ZNF462: variants seen among roughly 807,000 people sequenced by gnomAD.
ZNF462 encodes zinc finger protein 462, also known as zinc finger PBX1-interacting protein.
A neutral mutation model predicts 201.9 loss-of-function variants in ZNF462; 10 were observed. The observed-to-expected ratio is 0.05, with a 90% CI of 0.03 to 0.08. The LOEUF is 0.08. Among genes scored for constraint, ZNF462 ranks in the 10% least tolerant of loss-of-function variants. The probability of loss-of-function intolerance (pLI) is 1.00; values close to 1 mark genes in which losing one functional copy is unlikely to be tolerated. For synonymous variants in ZNF462, 1,227 were observed against 1,193.3 expected (o/e 1.03, Z -0.58); for missense variants, 2,523 against 3,168.3 (o/e 0.80, Z 4.89).
upstream of ZNF462, among the ~76,000 whole-genome samples, chr9:106,862,765 T>G (rs1310994257): frequency 6.6e-6 from 1 of 152,172 alleles, no homozygotes; most frequent in East Asian, 1.9e-4. The surrounding 1 kb of genome is among the most constrained non-coding windows in gnomAD (Gnocchi z 4.2). Context: ...CTCCTCCAGC[T>G]TCTCCTTCTG....
In ZNF462 at chr9:106,963,480, G is replaced by T. The variant is rs532397939; in HGVS notation, c.6428-8525G>T. Among the ~76,000 whole-genome samples the T allele has an allele frequency of 6.6e-6, 1 of 152,166 alleles. No individual in the cohort carries two copies. The highest frequency in any genetic ancestry group is 1.9e-4 in the East Asian group (1 of 5,168). Reference sequence around the variant, plus strand: ...CAGCATGAACCCTTGCTCCTGTGGAGCTGACATTACCTGCTTGGTTGTCAT... The same window carrying T: ...CAGCATGAACCCTTGCTCCTGTGGATCTGACATTACCTGCTTGGTTGTCAT... On this transcript the variant is annotated intron_variant, in intron 7 of 12. Transcript: ENST00000277225. This position sits in a 1 kb window ranked among gnomAD's most constrained non-coding sequence, Gnocchi z 4.7.
At position 106,883,773 on chromosome 9, in the gene ZNF462, G is replaced by C. The variant is rs530217214; in HGVS notation, c.-31+20418G>C. ...TTATTTATCCTTCTACCTGGAATCA[G>C]CAGCCCTGGCTTGTTCATTTAGATG... On this transcript the variant is annotated intron_variant, in intron 1 of 12. Coordinates refer to ENST00000277225, the MANE Select transcript of ZNF462 (RefSeq NM_021224.6). The surrounding 1 kb of genome is among the most constrained non-coding windows in gnomAD (Gnocchi z 4.9). Among the ~76,000 whole-genome samples, 34 of 152,264 alleles carry C rather than the reference G, an allele frequency of 2.2e-4. No homozygotes were observed. The highest frequency in any genetic ancestry group is 1.8e-3 in the Admixed American group (27 of 15,296).
rs1828052462 is a variant in ZNF462 at position 106,880,663 on chromosome 9, G to C, written c.-31+17308G>C. ...TATATTTTTATTAATGGTTTAAGTTGGGCCTTTTATAACTGATACTCACCT... is the reference window on the plus strand; with the variant it reads ...TATATTTTTATTAATGGTTTAAGTTCGGCCTTTTATAACTGATACTCACCT... On this transcript the variant is annotated intron_variant, in intron 1 of 12. Transcript: ENST00000277225. The surrounding 1 kb of genome is among the most constrained non-coding windows in gnomAD (Gnocchi z 4.1). Among the ~76,000 whole-genome samples the C allele has an allele frequency of 6.6e-6, 1 of 152,120 alleles. No homozygotes were observed. The highest frequency in any genetic ancestry group is 1.5e-5 in the Non-Finnish European group (1 of 68,030).
At chr9:106,894,370 T>C (rs143420252) in intron 1 of ZNF462, among the ~76,000 whole-genome samples, 62 of 152,322 alleles carry the variant, frequency 4.1e-4, no homozygotes, top group African/African-American at 1.4e-3. Context: ...GTATCTCTAT[T>C]ACAGAGAGAA....
At position 106,940,154 on chromosome 9, in the gene ZNF462, G is replaced by A. The variant is rs367634442; in HGVS notation, c.6427+1047G>A. Among the ~76,000 whole-genome samples the A allele has an allele frequency of 2.9e-4, 44 of 152,270 alleles. 1 individual carries two copies. The highest frequency in any genetic ancestry group is 2.7e-3 in the East Asian group (14 of 5,184). On this transcript the variant is annotated intron_variant, in intron 7 of 12. Coordinates refer to ENST00000277225, the MANE Select transcript of ZNF462 (RefSeq NM_021224.6). The stretch of plus-strand genomic sequence containing the variant: ...TGGGCAATCTTAGCTTCTTGTAGCC[G>A]TATGTAAAATTGTATAGTGATATCT...
Position 106,928,701 on chromosome 9 carries a change from G to A in ZNF462, c.4789G>A (p.Glu1597Lys), listed in dbSNP as rs151086190. The change falls in exon 3 of 13, where the codon GAG (glutamate) becomes AAG (lysine). Residue 1597 changes from glutamate (E) to lysine (K), a missense_variant. Physicochemically the swap from Glu to Lys is moderately conservative, Grantham distance 56 (BLOSUM62 1). Around this residue, in one of 15 missense-constraint regions of ZNF462, gnomAD observed 200 missense variants for 281.3 expected, o/e 0.71. Coordinates refer to ENST00000277225, the MANE Select transcript of ZNF462 (RefSeq NM_021224.6). This position sits in a 1 kb window ranked among gnomAD's most constrained non-coding sequence, Gnocchi z 9.3. ...TTTGGAGAAACTAAAAATCCACTAC[G>A]AGAAGTATCACAATCAGCCTGAATT... is the stretch of plus-strand genomic sequence containing the variant. ...GTLEKLKIHY[E>K]KYHNQPEFDV... 6.8e-6 allele frequency: 11 copies of A among 1,614,118 alleles called. No individual in the cohort carries two copies. The highest frequency in any genetic ancestry group is 4.4e-5 in the South Asian group (4 of 91,062).
chr9:107,008,989 C>T lies in ZNF462; in HGVS notation c.7190-556C>T, dbSNP rs561636488. 1.3e-5 allele frequency among the ~76,000 whole-genome samples: 2 copies of T among 152,234 alleles called. No individual in the cohort carries two copies. The highest frequency in any genetic ancestry group is 1.3e-4 in the Admixed American group (2 of 15,286). ...GCAGATCTCATTCAGTGCACATAAC[C>T]GCCCTGTAAGGTATTGATTATAATG... On this transcript the variant is annotated intron_variant, in intron 11 of 12. Coordinates refer to ENST00000277225, the MANE Select transcript of ZNF462 (RefSeq NM_021224.6). This position sits in a 1 kb window ranked among gnomAD's most constrained non-coding sequence, Gnocchi z 4.8.
upstream of ZNF462, among the ~76,000 whole-genome samples, chr9:106,861,067 C>CCGCA (rs1157454096): frequency 6.6e-6 from 1 of 152,052 alleles, no homozygotes; most frequent in Admixed American, 6.6e-5. Flanking sequence ...TTCTTCTCCA[C>CCGCA]CGCACGCGTA....
chr9:106,896,197 C>T (rs1828804977), intron 1 of ZNF462, among the ~76,000 whole-genome samples: 1 of 152,146 alleles, frequency 6.6e-6, no homozygotes, highest in Non-Finnish European at 1.5e-5. Flanking sequence ...AGCCTTCTGT[C>T]CCCCTCATTG....
intron 7 of ZNF462, among the ~76,000 whole-genome samples, chr9:106,945,997 G>T (rs79967190): frequency 0.016 from 2,449 of 152,318 alleles, 26 homozygotes; most frequent in Non-Finnish European, 0.026. Flanking sequence ...TAGTTTTGTG[G>T]CTGCTATCAT....
At chr9:106,960,136 C>A (rs994179900) in intron 7 of ZNF462, among the ~76,000 whole-genome samples, 1 of 152,106 alleles carries the variant, frequency 6.6e-6, no homozygotes, top group South Asian at 2.1e-4. Flanking sequence ...TCTTGATCAA[C>A]CATAGCCTTT....
In ZNF462 at chr9:106,908,902, C is replaced by CGTATATACATATAT. The variant is rs1564090567; in HGVS notation, c.-30-14452_-30-14451insGTATATACATATAT. 4.1e-4 allele frequency among the ~76,000 whole-genome samples: 32 copies of CGTATATACATATAT among 77,214 alleles called. 2 individuals are homozygous for CGTATATACATATAT. The highest frequency in any genetic ancestry group is 2.0e-3 in the African/African-American group (32 of 15,714). The allele number at this position is 77,214 out of a possible 152,430, so 50.7% of individuals were successfully genotyped here. ...GCTGTGAAAGTTGAGAATATTTGCC[C>CGTATATACATATAT]ATATATACATATATATATATATATA... On this transcript the variant is annotated intron_variant, in intron 1 of 12. Transcript: ENST00000277225.
rs1220046158 is a variant in ZNF462 at position 106,925,847 on chromosome 9, A to G, written c.1935A>G (p.Thr645=). The G allele has an allele frequency of 6.2e-7, 1 of 1,614,200 alleles. No homozygotes were observed. Among genetic ancestry groups the G allele is most frequent in the Non-Finnish European group, 8.5e-7 (1 of 1,180,042 alleles). The part of the protein sequence containing the change: ...QPSSLPLENE[T]DSHPSSSNTV... ...CAAGCCTACCATTGGAAAATGAGAC[A>G]GACAGCCACCCCTCTTCCAGCAACA... is the stretch of plus-strand genomic sequence containing the variant. Residue 645 remains threonine (T), a synonymous_variant, in exon 3 of 13, where the codon ACA becomes ACG. Transcript: ENST00000277225. This position sits in a 1 kb window ranked among gnomAD's most constrained non-coding sequence, Gnocchi z 7.9.
rs746112158 is a variant in ZNF462 at position 106,927,272 on chromosome 9, C to T, written c.3360C>T (p.Ser1120=). The change falls in exon 3 of 13, where the codon TCC becomes TCT. Residue 1120 remains serine, a synonymous_variant. Coordinates refer to ENST00000277225, the MANE Select transcript of ZNF462 (RefSeq NM_021224.6). ...STELYYCKHC[S]YSNRSVVGVL... is the part of the protein sequence containing the mutation. Reference sequence around the variant, plus strand: ...AGCTTTACTACTGCAAACACTGTTCCTACAGCAATCGGTCAGTTGTGGGAG... The same window carrying T: ...AGCTTTACTACTGCAAACACTGTTCTTACAGCAATCGGTCAGTTGTGGGAG... 17 of 1,567,036 alleles carry T rather than the reference C, an allele frequency of 1.1e-5. No individual in the cohort carries two copies. Among genetic ancestry groups the T allele is most frequent in the Non-Finnish European group, 1.3e-5 (15 of 1,152,516 alleles).
rs907190421 is a variant in ZNF462 at position 106,917,591 on chromosome 9, A to G, written c.-30-5763A>G. Among the ~76,000 whole-genome samples, 1 of 152,192 alleles carries G rather than the reference A, an allele frequency of 6.6e-6. No homozygotes were observed. ...TCTTCTGAAAATTTGGTTTTGAAGA[A>G]CAGCTGTGTCTCCCTTCTGAATTCC... is the stretch of plus-strand genomic sequence containing the variant. On this transcript the variant is annotated intron_variant, in intron 1 of 12. Transcript: ENST00000277225. The surrounding 1 kb of genome is among the most constrained non-coding windows in gnomAD (Gnocchi z 4.5).
chr9:106,878,491 C>G (rs1355038004), intron 1 of ZNF462, among the ~76,000 whole-genome samples: 1 of 152,198 alleles, frequency 6.6e-6, no homozygotes, highest in Non-Finnish European at 1.5e-5. Context: ...TGTGCCCATA[C>G]GTCTATTCAT....
Position 106,935,379 on chromosome 9 carries a change from G to A in ZNF462, c.6117-124G>A. ...AATTAAATTGATAAATGCCATTATT[G>A]GAAAGTAAACAAAAGGACTTTGAAC... On this transcript the variant is annotated intron_variant, in intron 5 of 12. Coordinates refer to ENST00000277225, the MANE Select transcript of ZNF462 (RefSeq NM_021224.6). This position sits in a 1 kb window ranked among gnomAD's most constrained non-coding sequence, Gnocchi z 4.1. 1.4e-6 allele frequency: 1 copy of A among 692,028 alleles called. No individual in the cohort carries two copies. Among genetic ancestry groups the A allele is most frequent in the Non-Finnish European group, 2.4e-6 (1 of 410,506 alleles). The allele number at this position is 692,028 out of a possible 1,614,324, so 42.9% of individuals were successfully genotyped here.
chr9:106,983,466 T>C (rs1827596949), intron 9 of ZNF462, among the ~76,000 whole-genome samples: 1 of 152,126 alleles, frequency 6.6e-6, no homozygotes, highest in Admixed American at 6.5e-5. Flanking sequence ...AGACTTGATA[T>C]TAGATGAGAA....
At chr9:106,869,739 A>G (rs1000057157) in intron 1 of ZNF462, among the ~76,000 whole-genome samples, 5 of 152,228 alleles carry the variant, frequency 3.3e-5, no homozygotes, top group African/African-American at 9.6e-5. Context: ...CATGGTTTGC[A>G]TGCCAGTACT....
Sources: allele counts gnomAD v4.1 joint callset (sites outside exome capture counted in the v4.1 genomes callset), GRCh38; gene constraint gnomAD v4.1.1; regional missense constraint gnomAD v4.1.1; non-coding constraint Gnocchi (gnomAD v3.1); transcripts MANE v1.5; gene names NCBI Gene and HGNC (gene_info 2026-07-23, HGNC 2026-07-21).